Variants in RIMS2 observed in about 807,000 individuals in gnomAD.
The protein encoded by RIMS2 is regulating synaptic membrane exocytosis protein 2.
Under a neutral mutation model 174.4 loss-of-function variants are expected in RIMS2, and 59 were observed. The ratio of observed to expected loss-of-function variants is 0.34; its 90% CI spans 0.27 to 0.42. RIMS2 has a LOEUF of 0.42. RIMS2 is among the 10% of genes least tolerant of loss of function. The pLI is 1.00. For synonymous variants in RIMS2, 606 were observed against 572.5 expected, an observed-to-expected ratio of 1.06 and a Z score of -0.84; for missense variants, 1,620 against 1,666.3, an observed-to-expected ratio of 0.97 and a Z score of 0.48.
chr8:103,768,471 A>C, intron 3 of RIMS2: 1 of 803,156 alleles, frequency 1.2e-6, no homozygotes, highest in Middle Eastern at 2.2e-4. Flanking sequence ...TTCCCCATGA[A>C]GAGGGGTGTC....
intron 1 of RIMS2, among the ~76,000 whole-genome samples, chr8:103,518,963 GCTTT>G (rs936635922): frequency 5.9e-5 from 9 of 152,084 alleles, no homozygotes; most frequent in African/African-American, 2.2e-4. Context: ...ATCTTTTTAG[GCTTT>G]CTATTGCTTT....
intron 1 of RIMS2, among the ~76,000 whole-genome samples, chr8:103,656,746 A>G (rs1035427472): frequency 6.6e-6 from 1 of 152,210 alleles, no homozygotes; most frequent in African/African-American, 2.4e-5. Flanking sequence ...AGAGGCAAAT[A>G]CAAAGAGTAA....
At chr8:104,153,173 G>T (rs1423483523) in intron 19 of RIMS2, among the ~76,000 whole-genome samples, 1 of 152,044 alleles carries the variant, frequency 6.6e-6, no homozygotes, top group African/African-American at 2.4e-5. Flanking sequence ...ATGTTCCATT[G>T]CCTGTTAATT....
At chr8:104,042,201 T>G (rs999465475) in intron 19 of RIMS2, among the ~76,000 whole-genome samples, 10 of 151,528 alleles carry the variant, frequency 6.6e-5, no homozygotes. Context: ...AAAGACTTCA[T>G]AGAAGAATTT....
chr8:103,611,521 G>T (rs1034489098), intron 1 of RIMS2, among the ~76,000 whole-genome samples: 1 of 146,490 alleles, frequency 6.8e-6, no homozygotes, highest in Non-Finnish European at 1.5e-5. Flanking sequence ...GCCTTTGTTT[G>T]TGTTGGGAGG....
intron 1 of RIMS2, chr8:103,568,966 G>T (rs544258798): frequency 3.1e-6 from 2 of 647,598 alleles, no homozygotes; most frequent in East Asian, 3.2e-5. Context: ...TCTTACAGCT[G>T]CATGAGCTGA....
At chr8:103,701,641 A>T (rs1415557030) in intron 2 of RIMS2, among the ~76,000 whole-genome samples, 1 of 149,990 alleles carries the variant, frequency 6.7e-6, no homozygotes, top group East Asian at 1.9e-4. Flanking sequence ...ATGAGATCAA[A>T]TTTTTTTTTT....
chr8:103,962,977 A>G (rs990416208), intron 15 of RIMS2, among the ~76,000 whole-genome samples: 2 of 152,080 alleles, frequency 1.3e-5, no homozygotes, highest in Non-Finnish European at 1.5e-5. Context: ...GTTTTTTTTC[A>G]TAACCCATCA....
intron 1 of RIMS2, among the ~76,000 whole-genome samples, chr8:103,639,915 A>C (rs898435363): frequency 6.6e-6 from 1 of 151,974 alleles, no homozygotes; most frequent in African/African-American, 2.4e-5. Context: ...ATGTTTCTAT[A>C]GATCAAATCA....
intron 1 of RIMS2, among the ~76,000 whole-genome samples, chr8:103,509,907 G>A (rs1040298315): frequency 6.6e-6 from 1 of 151,968 alleles, no homozygotes; most frequent in African/African-American, 2.4e-5. Context: ...GTACAATATA[G>A]TGCTAGCTAA....
chr8:103,512,509 G>A (rs769447004), intron 1 of RIMS2, among the ~76,000 whole-genome samples: 7 of 152,114 alleles, frequency 4.6e-5, no homozygotes, highest in Non-Finnish European at 1.0e-4. Context: ...GGAACATTCT[G>A]AGCAGCTGAA....
rs117113236 is a variant in RIMS2, at chr8:104,180,796, T to C, written c.3335-64120T>C. Reference sequence around the variant, plus strand: ...ATTTTCAAAGGAATAAGAAGTAAATTTTTTAAATGTATTAATAAAGTAACT... The same window carrying C: ...ATTTTCAAAGGAATAAGAAGTAAATCTTTTAAATGTATTAATAAAGTAACT... On this transcript the variant is annotated intron_variant, in intron 19 of 23. Coordinates refer to ENST00000504942, the Ensembl canonical transcript of RIMS2. Among the ~76,000 whole-genome samples, 1,039 of 151,792 alleles carry C rather than the reference T, an allele frequency of 6.8e-3. 7 individuals carry two copies. Among genetic ancestry groups the C allele is most frequent in the Admixed American group, 8.9e-3 (135 of 15,200 alleles).
intron 3 of RIMS2, among the ~76,000 whole-genome samples, chr8:103,825,486 T>C (rs1236824879): frequency 3.4e-5 from 5 of 147,696 alleles, no homozygotes; most frequent in Non-Finnish European, 5.9e-5. Context: ...GGTTTCGCCA[T>C]GTTGTCCAGG....
At chr8:104,242,661 T>C (rs2099308358) in intron 19 of RIMS2, among the ~76,000 whole-genome samples, 1 of 152,264 alleles carries the variant, frequency 6.6e-6, no homozygotes, top group South Asian at 2.1e-4. Flanking sequence ...TTTATGTATG[T>C]GTGTCTATCA....
chr8:103,503,873 A>C lies in RIMS2; in HGVS notation c.176+2811A>C, dbSNP rs374247857. Among the ~76,000 whole-genome samples, 7 of 152,194 alleles carry C rather than the reference A, an allele frequency of 4.6e-5. No homozygotes were observed. In the East Asian group the frequency reaches 9.6e-4, roughly 21 times the overall value. On this transcript the variant is annotated intron_variant, in intron 1 of 23. Transcript: ENST00000504942. ...TTTTTAATAAGAGAACTGAGTGATC[A>C]AAACTGAGACCATTACTGTTATCTC...
intron 16 of RIMS2, among the ~76,000 whole-genome samples, chr8:103,983,944 C>T (rs536015389): frequency 8.2e-4 from 125 of 152,058 alleles, no homozygotes; most frequent in African/African-American, 2.7e-3. Flanking sequence ...GAGGCCAAGG[C>T]GGGCGGATCA....
intron 6 of RIMS2, among the ~76,000 whole-genome samples, chr8:103,913,569 G>T (rs1378253559): frequency 1.3e-5 from 2 of 152,162 alleles, no homozygotes; most frequent in Non-Finnish European, 2.9e-5. Context: ...TTGCTGTAAA[G>T]AAATACCTGA....
intron 1 of RIMS2, among the ~76,000 whole-genome samples, chr8:103,586,988 C>T (rs910376758): frequency 1.3e-5 from 2 of 151,906 alleles, no homozygotes; most frequent in African/African-American, 4.8e-5. Flanking sequence ...TCAATAATAA[C>T]ATTGAATGTA....
At chr8:104,041,962 A>T (rs1282070582) in intron 19 of RIMS2, among the ~76,000 whole-genome samples, 1 of 151,576 alleles carries the variant, frequency 6.6e-6, no homozygotes, top group Non-Finnish European at 1.5e-5. Context: ...GGATGAGGTA[A>T]CATTTGAGCT....
Sources: gnomAD v4.1 joint callset for allele counts (sites outside exome capture counted in the v4.1 genomes callset) on GRCh38, gnomAD v4.1.1 for gene constraint, MANE v1.5 for transcripts, NCBI Gene and HGNC (gene_info 2026-07-23, HGNC 2026-07-21) for gene names.